Variants in GLYATL1 observed in about 807,000 individuals in gnomAD.
GLYATL1 encodes glycine N-acyltransferase-like protein 1.
A neutral mutation model predicts 20.0 loss-of-function variants in GLYATL1; 15 were observed. That is an observed-to-expected ratio of 0.75 (90% CI 0.50 to 1.15). The LOEUF (loss-of-function observed/expected upper bound fraction) is 1.15, where lower values mean the gene tolerates loss of function less well. GLYATL1 is among the 50% of genes most tolerant of loss of function. The probability of loss-of-function intolerance (pLI) is 0.00; values close to 1 mark genes in which losing one functional copy is unlikely to be tolerated. For missense variants in GLYATL1, 380 were observed against 368.5 expected (o/e 1.03, Z -0.26); for synonymous variants, 151 against 131.5 (o/e 1.15, Z -1.01).
At chr11:58,929,569 T>C (rs1231536381) in intron 1 of GLYATL1, among the ~76,000 whole-genome samples, 1 of 152,232 alleles carries the variant, frequency 6.6e-6, no homozygotes, top group Non-Finnish European at 1.5e-5. Flanking sequence ...AACTTCTTTT[T>C]GGTATTGTAC....
chr11:58,950,279 G>A (rs935775979), intron 4 of GLYATL1, among the ~76,000 whole-genome samples: 3 of 150,808 alleles, frequency 2.0e-5, no homozygotes, highest in South Asian at 4.2e-4. Context: ...GCGACGGAGC[G>A]AGACTCCGTC....
chr11:58,943,798 TG>T lies in GLYATL1; in HGVS notation c.-43+133del, dbSNP rs1856358702. The T allele has an allele frequency of 2.2e-6, 3 of 1,350,368 alleles. No homozygotes were observed. The Admixed American group carries it at 8.4e-5, about 38-fold the overall frequency. The allele number at this position is 1,350,368 out of a possible 1,614,324, so 83.6% of individuals were successfully genotyped here. On this transcript the variant is annotated intron_variant, in intron 2 of 6. Transcript: ENST00000532726. Reference sequence around the variant, plus strand: ...AACAGACTGGGTCTAGGAACAGATTTGATCTTGGAATTAACTGGCCTGGATC... The same window carrying T: ...AACAGACTGGGTCTAGGAACAGATTTATCTTGGAATTAACTGGCCTGGATC...
chr11:58,944,146 A>C (rs1490372760), intron 2 of GLYATL1, among the ~76,000 whole-genome samples: 1 of 152,246 alleles, frequency 6.6e-6, no homozygotes, highest in Non-Finnish European at 1.5e-5. Flanking sequence ...ATTACTAAAG[A>C]TACTTAGAGT....
chr11:58,912,863 C>A (rs1000473620), downstream of GLYATL1, among the ~76,000 whole-genome samples: 2 of 152,166 alleles, frequency 1.3e-5, no homozygotes, highest in African/African-American at 2.4e-5. Context: ...AATAGATTAT[C>A]CAGGAAACAC....
chr11:58,932,836 G>A (rs955271859), intron 1 of GLYATL1, among the ~76,000 whole-genome samples: 27 of 152,326 alleles, frequency 1.8e-4, no homozygotes, highest in Admixed American at 9.1e-4. Context: ...TAGACTTAGT[G>A]GTTGTCCTTG....
At chr11:58,907,475 TTTTG>T (rs150638642) in exon 2 of GLYATL1, 67,525 of 324,930 alleles carry the variant, frequency 0.21, 7,316 homozygotes, top group African/African-American at 0.4. Context: ...TTTCGCTCTT[TTTTG>T]TTTGTTTTGT....
At chr11:58,955,490 A>T (rs1041150572) in intron 6 of GLYATL1, 120 bp from the exon 7 acceptor site, 3 of 1,386,456 alleles carry the variant, frequency 2.2e-6, no homozygotes, top group Non-Finnish European at 3.0e-6. Flanking sequence ...TCAAGATCCA[A>T]AACTTTGCAA....
At chr11:58,954,264 T>G (rs1857216864) in intron 4 of GLYATL1, among the ~76,000 whole-genome samples, 1 of 152,216 alleles carries the variant, frequency 6.6e-6, no homozygotes, top group Admixed American at 6.5e-5. Context: ...ACTTAACTCT[T>G]AACAACACAA....
At chr11:58,923,775 G>A (rs1855362819), upstream of GLYATL1, among the ~76,000 whole-genome samples, 1 of 152,218 alleles carries the variant, frequency 6.6e-6, no homozygotes. Flanking sequence ...CTGAAGTGGG[G>A]AAGGCAGCCA....
chr11:58,909,346 A>G (rs1461812182), downstream of GLYATL1, among the ~76,000 whole-genome samples: 3 of 152,180 alleles, frequency 2.0e-5, no homozygotes, highest in Non-Finnish European at 2.9e-5. Flanking sequence ...ACAATATTGT[A>G]TACTTAAATT....
Position 58,956,254 on chromosome 11 carries a change from T to C in GLYATL1, c.*227T>C, listed in dbSNP as rs1255263311. ...ATTCTTTAAATATGCTTAAGTGTTATAGGGAAAGACGGGGTTACCAGTAAA... is the reference window on the plus strand; with the variant it reads ...ATTCTTTAAATATGCTTAAGTGTTACAGGGAAAGACGGGGTTACCAGTAAA... On this transcript the variant is annotated 3_prime_UTR_variant, in exon 7 of 7. Coordinates refer to ENST00000532726, the MANE Select transcript of GLYATL1 (RefSeq NM_001389712.2). 1.4e-5 allele frequency: 7 copies of C among 515,768 alleles called. No homozygotes were observed. Among genetic ancestry groups the C allele is most frequent in the African/African-American group, 3.8e-5 (2 of 52,910 alleles). The allele number at this position is 515,768 out of a possible 1,614,324, so 31.9% of individuals were successfully genotyped here. A position where few individuals can be genotyped will look rare whatever the true frequency, so the allele number is the denominator to read the frequency against.
At chr11:58,920,378 G>A (rs1855279423) in intron 1 of GLYATL1, among the ~76,000 whole-genome samples, 1 of 152,160 alleles carries the variant, frequency 6.6e-6, no homozygotes, top group Admixed American at 6.5e-5. Context: ...TATTTTGCTA[G>A]TCAGAGAACT....
chr11:58,942,569 T>G (rs1856238803), intron 1 of GLYATL1: 3 of 152,100 alleles, frequency 2.0e-5, no homozygotes, highest in Admixed American at 2.0e-4. Flanking sequence ...ATCAACTAAG[T>G]TGAGAAAGAC....
intron 3 of GLYATL1, chr11:58,947,367 C>CCACTCATTT: frequency 1.5e-6 from 1 of 679,788 alleles, no homozygotes; most frequent in Admixed American, 3.1e-5. Context: ...GCAGGTTTTG[C>CCACTCATTT]CACTCATTTG....
At chr11:58,946,952 T>G (rs1043532115) in intron 2 of GLYATL1, 94 bp from the exon 3 acceptor site, 2 of 872,792 alleles carry the variant, frequency 2.3e-6, no homozygotes, top group African/African-American at 3.3e-5. Context: ...TAACAGTACC[T>G]ACATCACGAG....
intron 1 of GLYATL1, among the ~76,000 whole-genome samples, chr11:58,928,899 A>G (rs1855503969): frequency 6.6e-6 from 1 of 152,216 alleles, no homozygotes; most frequent in African/African-American, 2.4e-5. Context: ...ATCTGTCTCA[A>G]AGGTTACTTA....
At chr11:58,914,653 C>T (rs1855128546) in intron 1 of GLYATL1, among the ~76,000 whole-genome samples, 1 of 152,096 alleles carries the variant, frequency 6.6e-6, no homozygotes, top group Non-Finnish European at 1.5e-5. Flanking sequence ...TGTTCTGGTC[C>T]TGTGTGCATG....
chr11:58,922,034 A>G (rs759016357), intron 1 of GLYATL1, among the ~76,000 whole-genome samples: 3 of 152,164 alleles, frequency 2.0e-5, no homozygotes, highest in Non-Finnish European at 4.4e-5. Context: ...TTTTCCTGTC[A>G]TCTCTTAACC....
In GLYATL1 at chr11:58,955,854, C is replaced by T. The variant is rs141077035; in HGVS notation, c.736C>T (p.Arg246Ter). ...ATACCGAAGGACAGGCAACATGGCACGAGTGATGGTGCGATACATGAAATA... is the reference window on the plus strand; with the variant it reads ...ATACCGAAGGACAGGCAACATGGCATGAGTGATGGTGCGATACATGAAATA... ...EKYRRTGNMA[R>*]VMVRYMKYLR... The change falls in exon 7 of 7, where the codon CGA becomes TGA. Residue 246 changes from arginine (R) to a stop codon, truncating the protein, a stop_gained. Transcript: ENST00000532726. LOFTEE classifies it low-confidence loss of function (END_TRUNC). 3.0e-5 allele frequency: 49 copies of T among 1,614,154 alleles called. No individual in the cohort carries two copies. Among genetic ancestry groups the T allele is most frequent in the Middle Eastern group, 1.6e-4 (1 of 6,062 alleles).
Sources: allele counts gnomAD v4.1 joint callset (sites outside exome capture counted in the v4.1 genomes callset), GRCh38; gene constraint gnomAD v4.1.1; transcripts MANE v1.5; gene names NCBI Gene and HGNC (gene_info 2026-07-23, HGNC 2026-07-21).